VIPR2: variants seen among roughly 807,000 people sequenced by gnomAD.
VIPR2 encodes vasoactive intestinal polypeptide receptor 2.
Under a neutral mutation model 58.0 loss-of-function variants are expected in VIPR2, and 48 were observed. The ratio of observed to expected loss-of-function variants is 0.83; its 90% CI spans 0.66 to 1.05. The LOEUF (loss-of-function observed/expected upper bound fraction) is 1.05, where lower values mean the gene tolerates loss of function less well. Among genes scored for constraint, VIPR2 ranks in the 50% least tolerant of loss-of-function variants. The pLI is 0.00. For missense variants in VIPR2, 534 were observed against 558.0 expected, an observed-to-expected ratio of 0.96 and a Z score of 0.43; for synonymous variants, 243 against 235.2, an observed-to-expected ratio of 1.03 and a Z score of -0.30.
intron 4 of VIPR2, among the ~76,000 whole-genome samples, chr7:159,092,977 G>A (rs915209579): frequency 9.5e-4 from 145 of 152,160 alleles, no homozygotes; most frequent in Non-Finnish European, 1.5e-3. Context: ...ACCCACACAC[G>A]CATGTGAGTG....
intron 4 of VIPR2, among the ~76,000 whole-genome samples, chr7:159,075,917 T>C (rs568626131): frequency 3.0e-4 from 45 of 152,394 alleles, no homozygotes; most frequent in African/African-American, 1.1e-3. Flanking sequence ...CTGCATTTAC[T>C]GCTTTCTCAC....
rs1412319533 is a variant in VIPR2, at chr7:159,144,837, G to T, written c.-66C>A. 16 of 1,216,964 alleles carry T rather than the reference G, an allele frequency of 1.3e-5. No individual in the cohort carries two copies. The highest frequency in any genetic ancestry group is 1.6e-5 in the Non-Finnish European group (16 of 975,568). 75.4% of individuals were successfully genotyped at this position (1,216,964 alleles called of 1,614,324 possible). A position where few individuals can be genotyped will look rare whatever the true frequency, so the allele number is the denominator to read the frequency against. ...CTCCGTCCTAGGTCCCCGCGGTTCC[G>T]CCGCCTCCAGCATGGGCCGGGAGCG... On this transcript the variant is annotated 5_prime_UTR_variant, in exon 1 of 13. Transcript: ENST00000262178.
intron 2 of VIPR2, among the ~76,000 whole-genome samples, chr7:159,122,899 C>G (rs6946109): frequency 0.016 from 2,391 of 152,152 alleles, 57 homozygotes; most frequent in African/African-American, 0.054. Flanking sequence ...TATAGGTAAA[C>G]TCATGTCATG....
At chr7:159,032,106 C>T (rs772051774) in intron 10 of VIPR2, 39 bp from the exon 11 acceptor site, 5 of 1,611,366 alleles carry the variant, frequency 3.1e-6, no homozygotes, top group Non-Finnish European at 4.2e-6. Flanking sequence ...CTGCTGGACC[C>T]TCGGACCCTC....
intron 4 of VIPR2, among the ~76,000 whole-genome samples, chr7:159,101,831 T>C (rs1379065132): frequency 7.2e-6 from 1 of 138,174 alleles, no homozygotes; most frequent in Non-Finnish European, 1.5e-5. Context: ...GTTCCTGTGG[T>C]AGTGAACGGG....
intron 6 of VIPR2, 111 bp from the exon 7 acceptor site, chr7:159,037,013 G>A: frequency 3.9e-6 from 5 of 1,288,098 alleles, no homozygotes; most frequent in Non-Finnish European, 5.3e-6. Context: ...TGCAAGGAAG[G>A]AGACACCGGT....
intron 2 of VIPR2, among the ~76,000 whole-genome samples, chr7:159,132,348 T>C (rs1796951730): frequency 7.2e-6 from 1 of 139,438 alleles, no homozygotes; most frequent in African/African-American, 2.6e-5. Flanking sequence ...GCTCTCCGAC[T>C]CCATGGGAGC....
At chr7:159,132,069 C>G (rs1178342894) in intron 2 of VIPR2, among the ~76,000 whole-genome samples, 10 of 151,888 alleles carry the variant, frequency 6.6e-5, no homozygotes, top group African/African-American at 2.4e-4. Context: ...AAGCCTCCCC[C>G]TCACATTCCT....
intron 2 of VIPR2, among the ~76,000 whole-genome samples, chr7:159,110,953 C>T (rs115532992): frequency 0.013 from 2,024 of 152,200 alleles, 40 homozygotes; most frequent in African/African-American, 0.045. Flanking sequence ...AAATTACATA[C>T]CAATACTTGA....
At chr7:159,092,121 A>C (rs1423837503) in intron 4 of VIPR2, among the ~76,000 whole-genome samples, 1 of 152,212 alleles carries the variant, frequency 6.6e-6, no homozygotes, top group African/African-American at 2.4e-5. Flanking sequence ...TTTCCTGTGA[A>C]GACAGAGTCA....
chr7:159,097,079 G>A lies in VIPR2; in HGVS notation c.357+6678C>T, dbSNP rs1309305279. The A allele has an allele frequency of 3.2e-6, 5 of 1,541,222 alleles. No homozygotes were observed. Among genetic ancestry groups the A allele is most frequent in the Non-Finnish European group, 4.4e-6 (5 of 1,141,302 alleles). On this transcript the variant is annotated intron_variant, in intron 4 of 12. Transcript: ENST00000262178. The surrounding 1 kb of genome is among the most constrained non-coding windows in gnomAD (Gnocchi z 5.3). ...CTCCTCCTGGCACCCTGGGAGGCTG[G>A]TGTGTCCTTGCAGGGTTGCAGGAGG...
In VIPR2 at chr7:159,030,737, G is replaced by A. The variant is rs201548495; in HGVS notation, c.1196C>T (p.Ala399Val). The stretch of plus-strand genomic sequence containing the variant: ...ACCGCAGACCCTGTAATCCCGGCTC[G>A]CGGACGGGGTCGGGCACCGGCTTCG... The part of the protein sequence containing the change: ...KWRSRCPTPS[A>V]SRDYRVCGSS... The change falls in exon 13 of 13, where the codon GCG (alanine) becomes GTG (valine). Residue 399 changes from alanine to valine, a missense_variant. Ala to Val is a moderately conservative substitution (Grantham distance 64). Around this residue, in one of 3 missense-constraint regions of VIPR2, gnomAD observed 306 missense variants for 285.8 expected, o/e 1.07. Coordinates refer to ENST00000262178, the MANE Select transcript of VIPR2 (RefSeq NM_003382.5). 1.9e-6 allele frequency: 3 copies of A among 1,581,280 alleles called. No individual in the cohort carries two copies. The highest frequency in any genetic ancestry group is 2.3e-5 in the South Asian group (2 of 86,760).
chr7:159,109,623 G>A (rs1795910782), intron 3 of VIPR2, among the ~76,000 whole-genome samples, 189 bp downstream of exon 3: 1 of 152,200 alleles, frequency 6.6e-6, no homozygotes, highest in African/African-American at 2.4e-5. Context: ...GGGTTTGGCT[G>A]AAGGCAGGTG....
intron 2 of VIPR2, among the ~76,000 whole-genome samples, chr7:159,123,431 T>C (rs1272776558): frequency 6.6e-6 from 1 of 152,180 alleles, no homozygotes; most frequent in Non-Finnish European, 1.5e-5. Context: ...CCTGCATTAG[T>C]TTGTTAAGGA....
chr7:159,060,411 C>T (rs1221165660), intron 4 of VIPR2, among the ~76,000 whole-genome samples: 1 of 151,992 alleles, frequency 6.6e-6, no homozygotes, highest in African/African-American at 2.4e-5. Context: ...CTATCAACTT[C>T]ACTTCACCTA....
chr7:159,051,198 AGTAAAT>A (rs1854983260), intron 5 of VIPR2, among the ~76,000 whole-genome samples: 1 of 152,258 alleles, frequency 6.6e-6, no homozygotes. Flanking sequence ...GGGAATGCTA[AGTAAAT>A]GCGACCTTTA....
chr7:159,093,838 C>A lies in VIPR2; in HGVS notation c.357+9919G>T, dbSNP rs1857651770. Among the ~76,000 whole-genome samples the A allele has an allele frequency of 6.6e-6, 1 of 152,008 alleles. No homozygotes were observed. Among genetic ancestry groups the A allele is most frequent in the South Asian group, 2.1e-4 (1 of 4,796 alleles). ...TCCCTGGGTCCGGACATGGGAGAGG[C>A]CCCGCAGTGTCCCTGAGTCTCCTGG... is the stretch of plus-strand genomic sequence containing the variant. On this transcript the variant is annotated intron_variant, in intron 4 of 12. Coordinates refer to ENST00000262178, the MANE Select transcript of VIPR2 (RefSeq NM_003382.5). This position sits in a 1 kb window ranked among gnomAD's most constrained non-coding sequence, Gnocchi z 6.7.
chr7:159,132,820 C>CAGATTGATTTGAGA (rs1563355132), intron 2 of VIPR2, among the ~76,000 whole-genome samples: 12 of 129,020 alleles, frequency 9.3e-5, no homozygotes, highest in African/African-American at 1.6e-4. Flanking sequence ...GATTGGCATA[C>CAGATTGATTTGAGA]CGATTGATTT....
intron 6 of VIPR2, among the ~76,000 whole-genome samples, chr7:159,041,959 C>T (rs1221699639): frequency 1.3e-5 from 2 of 152,076 alleles, no homozygotes; most frequent in Admixed American, 1.3e-4. Flanking sequence ...GGCCCAACTC[C>T]ACCTGGGGAA....
Sources: gnomAD v4.1 joint callset for allele counts (sites outside exome capture counted in the v4.1 genomes callset) on GRCh38, gnomAD v4.1.1 for gene constraint, gnomAD v4.1.1 regional missense constraint, Gnocchi (gnomAD v3.1) non-coding constraint, MANE v1.5 for transcripts, NCBI Gene and HGNC (gene_info 2026-07-23, HGNC 2026-07-21) for gene names.